RBM20: variants seen among roughly 807,000 people sequenced by gnomAD.
RBM20 encodes the protein RNA-binding protein 20.
A neutral mutation model predicts 110.1 loss-of-function variants in RBM20; 51 were observed. The observed-to-expected ratio is 0.46, with a 90% CI of 0.37 to 0.59. RBM20 has a LOEUF of 0.59. Ranked by LOEUF, RBM20 falls within the 20% of genes least tolerant of loss-of-function variation. The pLI is 0.00. For missense variants in RBM20, 1,512 were observed against 1,574.9 expected (o/e 0.96, Z 0.68); for synonymous variants, 589 against 618.2 (o/e 0.95, Z 0.70).
At chr10:110,794,729 AAG>A (rs746937647) in intron 5 of RBM20, among the ~76,000 whole-genome samples, 4 of 152,254 alleles carry the variant, frequency 2.6e-5, no homozygotes, top group Non-Finnish European at 5.9e-5. Context: ...TTGGAAGAGA[AAG>A]AACTCAGAAG....
intron 1 of RBM20, among the ~76,000 whole-genome samples, chr10:110,677,624 C>T (rs1466299590): frequency 6.6e-6 from 1 of 152,196 alleles, no homozygotes; most frequent in Non-Finnish European, 1.5e-5. Context: ...AGCCAAAGGC[C>T]TCATCTTAAA....
intron 1 of RBM20, among the ~76,000 whole-genome samples, chr10:110,656,915 A>T (rs1349139977): frequency 6.6e-6 from 1 of 152,224 alleles, no homozygotes; most frequent in Non-Finnish European, 1.5e-5. Context: ...TACTATTGTG[A>T]ATAGTGCTAC....
Position 110,821,576 on chromosome 10 carries a change from C to T in RBM20, c.2957C>T (p.Ser986Phe). Residue 986 changes from serine (S) to phenylalanine (F), a missense_variant, in exon 11 of 14, where the codon TCT becomes TTT. By Grantham distance (155) the Ser-to-Phe change is radical. This residue lies in a region of RBM20 where 358 missense variants were observed against 384.2 expected (regional missense o/e 0.93). Coordinates refer to ENST00000369519, the MANE Select transcript of RBM20 (RefSeq NM_001134363.3). ...CTCAAGTCACCCAGAGAACTGCCCT[C>T]TGCTTCCACAAGCTGTCCCAGTGAC... ...ISLKSPRELPSASTSCPSDMD... is the reference protein window; with the variant it reads ...ISLKSPRELPFASTSCPSDMD... The T allele has an allele frequency of 6.4e-7, 1 of 1,550,858 alleles. No individual in the cohort carries two copies. The highest frequency in any genetic ancestry group is 8.7e-7 in the Non-Finnish European group (1 of 1,146,040).
chr10:110,781,307 A>G lies in RBM20; in HGVS notation c.698A>G (p.Lys233Arg), dbSNP rs1006368552. Residue 233 changes from lysine (K) to arginine (R), a missense_variant, in exon 2 of 14, where the codon AAA becomes AGA. Physicochemically the swap from Lys to Arg is conservative, Grantham distance 26. Around this residue, in one of 3 missense-constraint regions of RBM20, gnomAD observed 1,149 missense variants for 1,169.4 expected, o/e 0.98. Transcript: ENST00000369519. ...PATAGFYEYG[K>R]ASSGQTYGPE... Reference sequence around the variant, plus strand: ...ACAGCAGGATTCTATGAGTATGGCAAAGCCAGCTCTGGCCAGACATATGGC... The same window carrying G: ...ACAGCAGGATTCTATGAGTATGGCAGAGCCAGCTCTGGCCAGACATATGGC... The G allele has an allele frequency of 1.3e-6, 2 of 1,551,676 alleles. No individual in the cohort carries two copies. The highest frequency in any genetic ancestry group is 3.9e-5 in the Admixed American group (2 of 51,010).
chr10:110,675,628 G>A (rs1314360143), intron 1 of RBM20, among the ~76,000 whole-genome samples: 1 of 152,184 alleles, frequency 6.6e-6, no homozygotes, highest in Admixed American at 6.6e-5. Flanking sequence ...CTTCACCACT[G>A]TATAATACTG....
intron 1 of RBM20, among the ~76,000 whole-genome samples, chr10:110,753,445 A>T (rs187267503): frequency 6.6e-6 from 1 of 152,218 alleles, no homozygotes; most frequent in African/African-American, 2.4e-5. Flanking sequence ...CTCATCATGC[A>T]TCTGTCACTT....
Position 110,735,907 on chromosome 10 carries a change from A to C in RBM20, c.192-44894A>C, listed in dbSNP as rs547537858. ...GCTAGATTAGTGAACATTCACCCCA[A>C]GAGTGAAAGGCTCTGGAATTTAACC... On this transcript the variant is annotated intron_variant, in intron 1 of 13. Transcript: ENST00000369519. 2.3e-4 allele frequency among the ~76,000 whole-genome samples: 35 copies of C among 152,360 alleles called. No homozygotes were observed. The South Asian group carries it at 6.6e-3, about 29-fold the overall frequency.
chr10:110,678,341 A>T (rs1318642338), intron 1 of RBM20, among the ~76,000 whole-genome samples: 4 of 152,230 alleles, frequency 2.6e-5, no homozygotes, highest in African/African-American at 9.6e-5. Context: ...GGTGTCACTA[A>T]ATGGAATTCT....
intron 8 of RBM20, among the ~76,000 whole-genome samples, chr10:110,811,589 G>A (rs369814673): frequency 6.6e-6 from 1 of 152,182 alleles, no homozygotes; most frequent in East Asian, 1.9e-4. Flanking sequence ...TACACAGGTT[G>A]GGGTCCTTGT....
chr10:110,791,298 G>C (rs1844480081), intron 5 of RBM20, among the ~76,000 whole-genome samples: 1 of 152,212 alleles, frequency 6.6e-6, no homozygotes, highest in Non-Finnish European at 1.5e-5. Flanking sequence ...CACAGACTCT[G>C]TGCCAGATAA....
intron 1 of RBM20, among the ~76,000 whole-genome samples, chr10:110,659,796 G>T (rs116216910): frequency 1.8e-4 from 21 of 114,744 alleles, no homozygotes; most frequent in South Asian, 5.6e-4. Context: ...TCTTCCTCCC[G>T]TTCCCCTTCC....
chr10:110,746,319 G>C (rs1348648646), intron 1 of RBM20, among the ~76,000 whole-genome samples: 1 of 152,204 alleles, frequency 6.6e-6, no homozygotes. Context: ...TCAAAGGATA[G>C]GGAAATAGAC....
intron 5 of RBM20, among the ~76,000 whole-genome samples, chr10:110,796,726 C>T (rs572613964): frequency 5.3e-5 from 8 of 152,310 alleles, no homozygotes; most frequent in Non-Finnish European, 1.0e-4. Context: ...GCATTCTAGT[C>T]TGAGTGGTAC....
At chr10:110,819,825 A>G (rs568871135) in intron 9 of RBM20, among the ~76,000 whole-genome samples, 11 of 152,274 alleles carry the variant, frequency 7.2e-5, no homozygotes, top group African/African-American at 2.6e-4. Flanking sequence ...GCTTCAAGAC[A>G]TTTCTCTGCC....
intron 1 of RBM20, among the ~76,000 whole-genome samples, chr10:110,691,899 C>T (rs1472753057): frequency 1.5e-4 from 23 of 152,228 alleles, no homozygotes; most frequent in South Asian, 2.1e-4. Flanking sequence ...AGAATTTTAT[C>T]GTGTAAACTG....
chr10:110,668,607 GA>G (rs11300793), intron 1 of RBM20, among the ~76,000 whole-genome samples: 69,671 of 150,224 alleles, frequency 0.46, 16,729 homozygotes, highest in Middle Eastern at 0.64. Context: ...GGAGGGAGAG[GA>G]AAAAAAAAAC....
intron 1 of RBM20, among the ~76,000 whole-genome samples, chr10:110,645,195 T>C (rs1861851991): frequency 6.6e-6 from 1 of 152,212 alleles, no homozygotes. Context: ...CGTTTTCCAT[T>C]AATGTTACCA....
chr10:110,810,003 GT>G (rs1475816006), intron 7 of RBM20, among the ~76,000 whole-genome samples: 1 of 152,174 alleles, frequency 6.6e-6, no homozygotes, highest in African/African-American at 2.4e-5. Flanking sequence ...GTCTTTCCAA[GT>G]TTACAATGCA....
In RBM20 at chr10:110,795,095, G is replaced by A. The variant is rs535319961; in HGVS notation, c.1528-2413G>A. Among the ~76,000 whole-genome samples the A allele has an allele frequency of 3.3e-5, 5 of 152,330 alleles. No homozygotes were observed. The East Asian group carries it at 5.8e-4, about 18-fold the overall frequency. ...CAGCAAAGTCACATGGGGCAGAAACGTGCCTCGCTAAGAGACCAGGCAGAG... is the reference window on the plus strand; with the variant it reads ...CAGCAAAGTCACATGGGGCAGAAACATGCCTCGCTAAGAGACCAGGCAGAG... On this transcript the variant is annotated intron_variant, in intron 5 of 13. Coordinates refer to ENST00000369519, the MANE Select transcript of RBM20 (RefSeq NM_001134363.3).
Sources: allele counts gnomAD v4.1 joint callset (sites outside exome capture counted in the v4.1 genomes callset), GRCh38; gene constraint gnomAD v4.1.1; regional missense constraint gnomAD v4.1.1; transcripts MANE v1.5; gene names NCBI Gene and HGNC (gene_info 2026-07-23, HGNC 2026-07-21).